Variants in PANK2 observed in about 807,000 individuals in gnomAD.
PANK2 encodes pantothenate kinase 2, also known as pantothenate kinase 2, mitochondrial.
Under a neutral mutation model 43.1 loss-of-function variants are expected in PANK2, and 36 were observed. The ratio of observed to expected loss-of-function variants is 0.84; its 90% confidence interval spans 0.64 to 1.10. PANK2 has a LOEUF of 1.10. Ranked by LOEUF, PANK2 falls within the 50% of genes least tolerant of loss-of-function variation. The pLI, the probability that PANK2 is intolerant of heterozygous loss-of-function variation, is 0.00. For synonymous variants in PANK2, 281 were observed against 238.2 expected, an observed-to-expected ratio of 1.18 and a Z score of -1.66; for missense variants, 576 against 593.3, an observed-to-expected ratio of 0.97 and a Z score of 0.30.
At chr20:3,890,306 C>T (rs914384283) in intron 1 of PANK2, among the ~76,000 whole-genome samples, 5 of 152,132 alleles carry the variant, frequency 3.3e-5, no homozygotes, top group Non-Finnish European at 7.3e-5. Flanking sequence ...CTCCGTTTTC[C>T]TTCTGTCTAT....
At chr20:3,912,665 A>G (rs1568575492) in intron 4 of PANK2, 31 bp downstream of exon 4, 2 of 1,611,230 alleles carry the variant, frequency 1.2e-6, no homozygotes, top group Non-Finnish European at 1.7e-6. Context: ...TAAGAAATAC[A>G]GGCGGGCCGG....
intron 6 of PANK2, among the ~76,000 whole-genome samples, chr20:3,920,524 AAAAC>A (rs1394735009): frequency 6.6e-6 from 1 of 151,374 alleles, no homozygotes; most frequent in Non-Finnish European, 1.5e-5. Flanking sequence ...CTCAAAAACA[AAAAC>A]AAACAACAAC....
At chr20:3,911,414 C>T (rs2090466672) in intron 3 of PANK2, among the ~76,000 whole-genome samples, 1 of 150,208 alleles carries the variant, frequency 6.7e-6, no homozygotes, top group Admixed American at 6.7e-5. Context: ...GAAACCCCAT[C>T]TCTACTAAAA....
At chr20:3,918,928 C>T (rs552145181) in intron 6 of PANK2, 132 bp downstream of exon 6, 910 of 1,469,620 alleles carry the variant, frequency 6.2e-4, no homozygotes, top group Non-Finnish European at 8.1e-4. Context: ...TTTTTTGAGA[C>T]GGAGTCTCGC....
intron 1 of PANK2, among the ~76,000 whole-genome samples, chr20:3,892,351 C>CA (rs57494672): frequency 0.14 from 17,983 of 132,442 alleles, 1,385 homozygotes; most frequent in Non-Finnish European, 0.19. Flanking sequence ...AAAAAAAAAA[C>CA]AAAAAAAAAG....
At chr20:3,901,247 G>T (rs1195355153) in intron 1 of PANK2, among the ~76,000 whole-genome samples, 2 of 151,432 alleles carry the variant, frequency 1.3e-5, no homozygotes, top group Non-Finnish European at 2.9e-5. Context: ...TGGTCTTGCT[G>T]TGTTGTCCAG....
rs777915649 is a variant in PANK2 at position 3,889,653 on chromosome 20, G to A, written c.223G>A (p.Asp75Asn). The A allele has an allele frequency of 2.0e-5, 32 of 1,586,668 alleles. No homozygotes were observed. The South Asian group carries it at 3.0e-4, about 15-fold the overall frequency. ...GGCCTCGGCTGAGGGCACGAGGCGG[G>A]ATCGACTGGGCTCTTACAGCGGCCC... Residue 75 changes from aspartate (D) to asparagine (N), a missense_variant, in exon 1 of 7, where the codon GAT becomes AAT. Asp to Asn is a conservative substitution (Grantham distance 23). Around this residue, in one of 2 missense-constraint regions of PANK2, gnomAD observed 544 missense variants for 528.9 expected, o/e 1.03. Coordinates refer to ENST00000610179, the MANE Select transcript of PANK2 (RefSeq NM_001386393.1).
At chr20:3,889,310 G>A, upstream of PANK2, 1 of 1,597,124 alleles carries the variant, frequency 6.3e-7, no homozygotes, top group Non-Finnish European at 8.5e-7. Context: ...AGGCCTTTGG[G>A]CCGTCCCCAG....
At chr20:3,893,929 TTG>T (rs1464787134) in intron 1 of PANK2, among the ~76,000 whole-genome samples, 1,672 of 55,076 alleles carry the variant, frequency 0.03, 85 homozygotes, top group African/African-American at 0.074. Flanking sequence ...TGTTTGTTTT[TTG>T]TTTTTTTTTT....
chr20:3,890,047 G>A (rs1246717087), intron 1 of PANK2: 4 of 812,590 alleles, frequency 4.9e-6, no homozygotes, highest in Non-Finnish European at 7.2e-6. Context: ...CCTCGAGAAG[G>A]CTTCTTTTGA....
chr20:3,898,872 G>GT (rs924904162), intron 1 of PANK2, among the ~76,000 whole-genome samples: 51 of 150,444 alleles, frequency 3.4e-4, no homozygotes, highest in East Asian at 2.9e-3. Flanking sequence ...GGTCTTGAGT[G>GT]TTTTTTTTTG....
intron 4 of PANK2, among the ~76,000 whole-genome samples, chr20:3,914,850 TC>T (rs1276039847): frequency 6.6e-6 from 1 of 152,118 alleles, no homozygotes; most frequent in Non-Finnish European, 1.5e-5. Flanking sequence ...CCTCAAGTGA[TC>T]CACCCACCTT....
chr20:3,889,385 C>G (rs573252413), upstream of PANK2: 2 of 1,574,626 alleles, frequency 1.3e-6, no homozygotes, highest in African/African-American at 2.7e-5. Context: ...GGGCGCGCCT[C>G]TGCTCTGGCT....
At chr20:3,910,903 C>G (rs1186240558) in intron 3 of PANK2, 73 bp downstream of exon 3, 12 of 1,551,832 alleles carry the variant, frequency 7.7e-6, no homozygotes, top group Non-Finnish European at 1.1e-5. Context: ...TTACATGTAA[C>G]TACACCTTCA....
intron 1 of PANK2, among the ~76,000 whole-genome samples, chr20:3,907,621 T>C (rs2090407593): frequency 6.6e-6 from 1 of 152,184 alleles, no homozygotes; most frequent in African/African-American, 2.4e-5. Flanking sequence ...TTTTCACAGT[T>C]GAGGCTTACG....
chr20:3,919,186 A>G (rs1468678034), intron 6 of PANK2, among the ~76,000 whole-genome samples: 1 of 152,232 alleles, frequency 6.6e-6, no homozygotes, highest in Admixed American at 6.5e-5. Flanking sequence ...TTCCAGGATT[A>G]CAGGTGTGAA....
chr20:3,913,619 G>T (rs930161804), intron 4 of PANK2, among the ~76,000 whole-genome samples: 1 of 149,230 alleles, frequency 6.7e-6, no homozygotes, highest in Non-Finnish European at 1.5e-5. Context: ...ACAGGTGTGA[G>T]CCACCGCGCC....
chr20:3,888,824 C>G (rs1239425652), upstream of PANK2: 4 of 437,148 alleles, frequency 9.2e-6, no homozygotes, highest in East Asian at 3.5e-5. Context: ...GGAAAGGAGG[C>G]GGCTTAGCCC....
chr20:3,889,150 C>T (rs1291249355), upstream of PANK2: 4 of 1,587,188 alleles, frequency 2.5e-6, no homozygotes, highest in South Asian at 4.6e-5. Flanking sequence ...GCGGCGCCGC[C>T]ATCACTCTCT....
Sources: gnomAD v4.1 joint callset for allele counts (sites outside exome capture counted in the v4.1 genomes callset) on GRCh38, gnomAD v4.1.1 for gene constraint, gnomAD v4.1.1 regional missense constraint, MANE v1.5 for transcripts, NCBI Gene and HGNC (gene_info 2026-07-23, HGNC 2026-07-21) for gene names.